The following ENKUR variants were observed in gnomAD, a reference collection of about 807,000 sequenced individuals.
ENKUR encodes enkurin.
A neutral mutation model predicts 27.6 loss-of-function variants in ENKUR; 19 were observed. That is an observed-to-expected ratio of 0.69 (90% confidence interval 0.48 to 1.01). ENKUR has a LOEUF of 1.01. Among genes scored for constraint, ENKUR ranks in the 50% least tolerant of loss-of-function variants. The probability of loss-of-function intolerance (pLI) is 0.00; values close to 1 mark genes in which losing one functional copy is unlikely to be tolerated. For synonymous variants in ENKUR, 117 were observed against 96.9 expected, an observed-to-expected ratio of 1.21 and a Z score of -1.22; for missense variants, 312 against 310.5, an observed-to-expected ratio of 1.00 and a Z score of -0.04.
At chr10:25,058,379 C>T (rs889466001) in intron 2 of ENKUR, among the ~76,000 whole-genome samples, 4 of 151,954 alleles carry the variant, frequency 2.6e-5, no homozygotes, top group African/African-American at 9.7e-5. Flanking sequence ...ACTAAATTTT[C>T]AATTTTCTGT....
In ENKUR at chr10:24,988,628, T is replaced by A. The variant is rs1461146220; in HGVS notation, c.594+1835A>T. Among the ~76,000 whole-genome samples, 6 of 137,988 alleles carry A rather than the reference T, an allele frequency of 4.3e-5. No homozygotes were observed. The South Asian group carries it at 9.2e-4, about 21-fold the overall frequency. The allele number at this position is 137,988 out of a possible 152,430, so 90.5% of individuals were successfully genotyped here. A position where few individuals can be genotyped will look rare whatever the true frequency, so the allele number is the denominator to read the frequency against. On this transcript the variant is annotated intron_variant, in intron 4 of 5. Coordinates refer to ENST00000331161, the MANE Select transcript of ENKUR (RefSeq NM_145010.4). ...GTCACCACTGGAGGATTATAGATCT[T>A]TAGCTGGCCTGAAAATGTAGAGTGA...
chr10:24,998,972 T>C (rs1257391489), intron 2 of ENKUR, among the ~76,000 whole-genome samples: 1 of 152,210 alleles, frequency 6.6e-6, no homozygotes, highest in Admixed American at 6.5e-5. Flanking sequence ...GTACTCAAAA[T>C]GAGCCCAGTA....
chr10:24,994,668 TATAAGTGCGCAAA>T (rs1332910735), intron 3 of ENKUR, among the ~76,000 whole-genome samples: 2 of 152,158 alleles, frequency 1.3e-5, no homozygotes, highest in African/African-American at 4.8e-5. Context: ...TTTTAAGCTT[TATAAGTGCGCAAA>T]ATAAAGTAGC....
intron 2 of ENKUR, chr10:25,021,783 A>G (rs1343495048): frequency 6.6e-6 from 1 of 152,178 alleles, no homozygotes; most frequent in Non-Finnish European, 1.5e-5. Flanking sequence ...CAGAGTCAAC[A>G]AACTCTTCAG....
rs1461110041 is a variant in ENKUR, at chr10:24,984,177, T to C, written c.*193A>G. On this transcript the variant is annotated 3_prime_UTR_variant, in exon 6 of 6. Transcript: ENST00000331161. ...CTCCAAATAGAAGCCTTTCATCATA[T>C]ACAGTGTTACGAATACTGAAAATAT... is the stretch of plus-strand genomic sequence containing the variant. 3.8e-6 allele frequency: 2 copies of C among 522,096 alleles called. No homozygotes were observed. The highest frequency in any genetic ancestry group is 3.0e-5 in the East Asian group (1 of 33,454). 32.3% of individuals were successfully genotyped at this position (522,096 alleles called of 1,614,324 possible).
intron 3 of ENKUR, among the ~76,000 whole-genome samples, chr10:24,991,472 C>A (rs1021674364): frequency 7.3e-5 from 11 of 151,248 alleles, no homozygotes; most frequent in Admixed American, 5.3e-4. Context: ...AATGGAAGAA[C>A]GTATAAGTGG....
chr10:24,995,979 A>G (rs1222836016), intron 2 of ENKUR, 110 bp from the exon 3 acceptor site: 1 of 803,548 alleles, frequency 1.2e-6, no homozygotes, highest in Non-Finnish European at 1.8e-6. Flanking sequence ...TGCAGTCATA[A>G]TATATTTAAA....
At position 24,999,408 on chromosome 10, in the gene ENKUR, T is replaced by C. The variant is rs1466205041; in HGVS notation, c.216A>G (p.Leu72=). 2.5e-6 allele frequency: 4 copies of C among 1,606,862 alleles called. No homozygotes were observed. Among genetic ancestry groups the C allele is most frequent in the African/African-American group, 2.7e-5 (2 of 74,442 alleles). ...FLKKHSKEKT[L]PPKKNFDRNV... is the part of the protein sequence containing the mutation. ...AAGCATGATAAAACCTACTGGGTGG[T>C]AGAGTTTTTTCCTTTGAATGTTTCT... The change falls in exon 2 of 6, where the codon CTA becomes CTG. Residue 72 remains leucine, a synonymous_variant. Transcript: ENST00000331161.
intron 2 of ENKUR, among the ~76,000 whole-genome samples, chr10:25,022,616 G>A (rs1009533762): frequency 3.3e-5 from 5 of 152,114 alleles, no homozygotes; most frequent in African/African-American, 1.2e-4. Context: ...AAGCAAATAT[G>A]TTCTTTTATT....
chr10:25,049,368 T>A (rs1588684770), intron 2 of ENKUR, among the ~76,000 whole-genome samples: 1 of 151,360 alleles, frequency 6.6e-6, no homozygotes. Flanking sequence ...AATTTGGAAA[T>A]CTCAATAAGG....
At chr10:25,033,802 T>C (rs1177346532) in intron 2 of ENKUR, among the ~76,000 whole-genome samples, 1 of 150,052 alleles carries the variant, frequency 6.7e-6, no homozygotes, top group Non-Finnish European at 1.5e-5. Context: ...GTTTAGTATG[T>C]ATGTATGTAT....
intron 2 of ENKUR, among the ~76,000 whole-genome samples, chr10:25,046,645 C>G (rs1851125109): frequency 6.6e-6 from 1 of 152,198 alleles, no homozygotes; most frequent in Non-Finnish European, 1.5e-5. Flanking sequence ...GTGAGGATGA[C>G]AGGAGATAGT....
intron 1 of ENKUR, among the ~76,000 whole-genome samples, chr10:25,007,703 G>T (rs1214426980): frequency 6.6e-6 from 1 of 152,040 alleles, no homozygotes; most frequent in Non-Finnish European, 1.5e-5. Context: ...CAAAGTGCTG[G>T]GATTACAGGC....
intron 1 of ENKUR, among the ~76,000 whole-genome samples, chr10:25,015,578 TAATTA>T (rs1360880072): frequency 2.0e-5 from 3 of 152,174 alleles, no homozygotes; most frequent in South Asian, 2.1e-4. Context: ...ATATCACATA[TAATTA>T]AATTACACAA....
chr10:25,019,301 C>T (rs896206124), upstream of ENKUR, among the ~76,000 whole-genome samples: 2 of 152,128 alleles, frequency 1.3e-5, no homozygotes, highest in African/African-American at 4.8e-5. Flanking sequence ...TGGCGAAACC[C>T]CCTCTCTACT....
chr10:24,988,727 T>TGTATATATA (rs1849856202), intron 4 of ENKUR, among the ~76,000 whole-genome samples: 1 of 71,898 alleles, frequency 1.4e-5, no homozygotes, highest in African/African-American at 5.7e-5. Context: ...TATATATATA[T>TGTATATATA]TCCTCATTTT....
chr10:25,026,490 C>A (rs534098280), intron 2 of ENKUR: 177 of 167,126 alleles, frequency 1.1e-3, no homozygotes, highest in Non-Finnish European at 1.9e-3. Flanking sequence ...TCAATTCTTA[C>A]GTAATTTGTT....
intron 5 of ENKUR, 39 bp downstream of exon 5, chr10:24,984,697 C>A (rs778896490): frequency 6.5e-7 from 1 of 1,529,434 alleles, no homozygotes; most frequent in Non-Finnish European, 8.8e-7. Flanking sequence ...TTTTTTTCCC[C>A]TACATTGAAA....
At chr10:25,016,267 ATTTGGAAGCCACTG>A, upstream of ENKUR, 1 of 790,380 alleles carries the variant, frequency 1.3e-6, no homozygotes, top group Non-Finnish European at 1.6e-6. Flanking sequence ...AGAGAAGCTC[ATTTGGAAGCCACTG>A]TTTTTACGTG....
Sources: gnomAD v4.1 joint callset for allele counts (sites outside exome capture counted in the v4.1 genomes callset) on GRCh38, gnomAD v4.1.1 for gene constraint, MANE v1.5 for transcripts, NCBI Gene and HGNC (gene_info 2026-07-23, HGNC 2026-07-21) for gene names.